Variants in PARPBP observed in about 807,000 individuals in gnomAD.
The protein encoded by PARPBP is PARP1 binding protein, also known as PCNA-interacting partner.
A neutral mutation model predicts 50.0 loss-of-function variants in PARPBP; 52 were observed. The observed-to-expected ratio is 1.04, with a 90% CI of 0.83 to 1.31. PARPBP has a LOEUF of 1.31. Ranked by LOEUF, PARPBP falls within the 50% of genes most tolerant of loss-of-function variation. PARPBP has a pLI of 0.00. For missense variants in PARPBP, 697 were observed against 672.0 expected (o/e 1.04, Z -0.41); for synonymous variants, 244 against 232.1 (o/e 1.05, Z -0.47).
chr12:102,195,937 A>G lies in PARPBP; in HGVS notation c.1400-14A>G, dbSNP rs969210328. The G allele has an allele frequency of 4.6e-5, 69 of 1,510,078 alleles. No individual in the cohort carries two copies. Among genetic ancestry groups the G allele is most frequent in the Non-Finnish European group, 6.0e-5 (67 of 1,118,410 alleles). 93.5% of individuals were successfully genotyped at this position (1,510,078 alleles called of 1,614,324 possible). A position where few individuals can be genotyped will look rare whatever the true frequency, so the allele number is the denominator to read the frequency against. On this transcript the variant is annotated splice_polypyrimidine_tract_variant and intron_variant, in intron 10 of 10. Transcript: ENST00000327680. ...ATCATGTAATTCCTTTCCCCTTTTT[A>G]TCTTGCATAACAGAGGGTGTAAATC...
At position 102,151,916 on chromosome 12, in the gene PARPBP, A is replaced by C. The variant is rs1886259505; in HGVS notation, c.388-1953A>C. The C allele has an allele frequency of 4.2e-6, 3 of 719,326 alleles. No homozygotes were observed. In the South Asian group the frequency reaches 5.7e-5, roughly 14 times the overall value. 44.6% of individuals were successfully genotyped at this position (719,326 alleles called of 1,614,324 possible). A position where few individuals can be genotyped will look rare whatever the true frequency, so the allele number is the denominator to read the frequency against. On this transcript the variant is annotated intron_variant, in intron 3 of 10. Coordinates refer to ENST00000327680, the MANE Select transcript of PARPBP (RefSeq NM_017915.5). ...ACCCAAGGAGCTTCAGTTTAATATAAAACCAGGAGCAAACCTCCGAAGTCC... is the reference window on the plus strand; with the variant it reads ...ACCCAAGGAGCTTCAGTTTAATATACAACCAGGAGCAAACCTCCGAAGTCC...
intron 5 of PARPBP, 61 bp downstream of exon 5, chr12:102,164,669 A>G: frequency 7.4e-7 from 1 of 1,358,808 alleles, no homozygotes; most frequent in Non-Finnish European, 1.1e-6. Flanking sequence ...ATGTATCCTA[A>G]TATGCTTGTA....
At position 102,178,713 on chromosome 12, in the gene PARPBP, T is replaced by C. The variant is rs1392090412; in HGVS notation, c.1127T>C (p.Leu376Ser). Residue 376 changes from leucine (L) to serine (S), a missense_variant, in exon 8 of 11, where the codon TTA (leucine) becomes TCA (serine). Physicochemically the swap from Leu to Ser is moderately radical, Grantham distance 145. Transcript: ENST00000327680. Reference sequence around the variant, plus strand: ...CCTACCAAAAACAAAGCAGAGCTTTTATATGATGAGGAAAACACAATCCAT... The same window carrying C: ...CCTACCAAAAACAAAGCAGAGCTTTCATATGATGAGGAAAACACAATCCAT... ...NAPTKNKAEL[L>S]YDEENTIHHH... 2.5e-6 allele frequency: 4 copies of C among 1,613,396 alleles called. No individual in the cohort carries two copies. Among genetic ancestry groups the C allele is most frequent in the African/African-American group, 1.3e-5 (1 of 74,904 alleles).
At position 102,197,042 on chromosome 12, in the gene PARPBP, G is replaced by A. The variant is rs1036901529; in HGVS notation, c.*751G>A. The stretch of plus-strand genomic sequence containing the variant: ...TCATCCCCAATTTCTCTCTTTTCTT[G>A]TGTTGATTCAGTATTCTGAACTCCA... On this transcript the variant is annotated 3_prime_UTR_variant, in exon 11 of 11. Transcript: ENST00000327680. 1 of 1,611,836 alleles carries A rather than the reference G, an allele frequency of 6.2e-7. No individual in the cohort carries two copies. The highest frequency in any genetic ancestry group is 1.3e-5 in the African/African-American group (1 of 74,750).
chr12:102,135,004 T>G (rs1235421648), intron 2 of PARPBP, among the ~76,000 whole-genome samples: 1 of 152,160 alleles, frequency 6.6e-6, no homozygotes, highest in Non-Finnish European at 1.5e-5. Flanking sequence ...TATTTCTATA[T>G]GTATTTTAGA....
chr12:102,158,704 G>A (rs1887234152), intron 4 of PARPBP, among the ~76,000 whole-genome samples: 1 of 128,280 alleles, frequency 7.8e-6, no homozygotes, highest in Admixed American at 7.8e-5. Flanking sequence ...CGCTTAAGCA[G>A]TGTATTTGTG....
At chr12:102,145,788 G>C (rs571010881) in intron 2 of PARPBP, among the ~76,000 whole-genome samples, 1 of 152,262 alleles carries the variant, frequency 6.6e-6, no homozygotes, top group East Asian at 1.9e-4. Context: ...AAAGAAACCT[G>C]TGTCTTTTTA....
At position 102,185,660 on chromosome 12, in the gene PARPBP, AT is replaced by A. The variant is rs1166477079; in HGVS notation, c.1263+3041del. The stretch of plus-strand genomic sequence containing the variant: ...CCCTGGGCTTTTCTTTGCTGGGATA[AT>A]TTTTTTTATTTTTTTGAGATGGAGT... On this transcript the variant is annotated intron_variant, in intron 9 of 10. Transcript: ENST00000327680. 4.0e-5 allele frequency among the ~76,000 whole-genome samples: 6 copies of A among 151,686 alleles called. No individual in the cohort carries two copies. The East Asian group carries it at 1.2e-3, about 29-fold the overall frequency.
Position 102,194,206 on chromosome 12 carries a change from AC to A in PARPBP, c.1264-1105del, listed in dbSNP as rs553611739. Among the ~76,000 whole-genome samples the A allele has an allele frequency of 7.9e-5, 12 of 152,154 alleles. No individual in the cohort carries two copies. The South Asian group carries it at 2.3e-3, about 29-fold the overall frequency. ...TCGATCTTTGAACATATAATATATA[AC>A]TACTGAATATATAAAGTCATGCTGT... On this transcript the variant is annotated intron_variant, in intron 9 of 10. Transcript: ENST00000327680.
intron 4 of PARPBP, among the ~76,000 whole-genome samples, chr12:102,159,494 T>C (rs537866807): frequency 6.6e-6 from 1 of 152,318 alleles, no homozygotes; most frequent in East Asian, 1.9e-4. Flanking sequence ...CAGAGAAATA[T>C]TTTGACCATC....
intron 5 of PARPBP, among the ~76,000 whole-genome samples, chr12:102,165,220 C>T (rs771808663): frequency 1.3e-4 from 20 of 152,122 alleles, no homozygotes; most frequent in Non-Finnish European, 2.9e-4. Flanking sequence ...TACATGATCC[C>T]AGGATGGGAA....
At chr12:102,170,393 A>G (rs955975060) in intron 6 of PARPBP, among the ~76,000 whole-genome samples, 2 of 152,224 alleles carry the variant, frequency 1.3e-5, no homozygotes, top group Non-Finnish European at 2.9e-5. Context: ...CACATAGGCT[A>G]TATGGCATAG....
intron 9 of PARPBP, among the ~76,000 whole-genome samples, chr12:102,186,339 CCTTTT>C (rs1349377312): frequency 9.2e-5 from 14 of 151,856 alleles, no homozygotes; most frequent in South Asian, 6.2e-4. Context: ...CTTTATTAAT[CCTTTT>C]CTTTTCTTCT....
At chr12:102,167,111 C>G (rs1032167898) in intron 6 of PARPBP, among the ~76,000 whole-genome samples, 1 of 152,124 alleles carries the variant, frequency 6.6e-6, no homozygotes, top group African/African-American at 2.4e-5. Flanking sequence ...CTCGTTAGGC[C>G]TGTGTCAGAG....
intron 6 of PARPBP, among the ~76,000 whole-genome samples, chr12:102,172,328 C>G (rs1014803575): frequency 7.2e-5 from 11 of 152,332 alleles, no homozygotes; most frequent in African/African-American, 2.2e-4. Flanking sequence ...CTTGTCTATA[C>G]TTTCAGTAGT....
chr12:102,134,070 A>G (rs118008055), intron 2 of PARPBP, among the ~76,000 whole-genome samples: 182 of 152,048 alleles, frequency 1.2e-3, no homozygotes, highest in Admixed American at 2.1e-3. Flanking sequence ...AGAACACACT[A>G]AGCCCAAACT....
chr12:102,155,653 TCAA>T (rs1325572598), intron 4 of PARPBP, among the ~76,000 whole-genome samples: 1 of 150,410 alleles, frequency 6.6e-6, no homozygotes, highest in Non-Finnish European at 1.5e-5. Context: ...AGCAGGAACT[TCAA>T]CACCCTTTGG....
chr12:102,144,796 T>G (rs879932486), intron 2 of PARPBP, among the ~76,000 whole-genome samples: 9 of 152,186 alleles, frequency 5.9e-5, no homozygotes, highest in Non-Finnish European at 1.3e-4. Flanking sequence ...CATTTGGAAA[T>G]TTTCTGATGT....
At chr12:102,184,840 A>G (rs1337701433) in intron 9 of PARPBP, among the ~76,000 whole-genome samples, 1 of 152,154 alleles carries the variant, frequency 6.6e-6, no homozygotes, top group Admixed American at 6.5e-5. Context: ...TTTACTACCA[A>G]AGTTCCTATG....
Sources: gnomAD v4.1 joint callset for allele counts (sites outside exome capture counted in the v4.1 genomes callset) on GRCh38, gnomAD v4.1.1 for gene constraint, MANE v1.5 for transcripts, NCBI Gene and HGNC (gene_info 2026-07-23, HGNC 2026-07-21) for gene names.